Variants in A2ML1 observed in about 807,000 individuals in gnomAD.
The protein encoded by A2ML1 is alpha-2-macroglobulin-like protein 1.
Under a neutral mutation model 181.9 loss-of-function variants are expected in A2ML1, and 161 were observed. The ratio of observed to expected loss-of-function variants is 0.89; its 90% CI spans 0.78 to 1.01. A2ML1 has a LOEUF of 1.01. Among genes scored for constraint, A2ML1 ranks in the 50% least tolerant of loss-of-function variants. The pLI is 0.00. For synonymous variants in A2ML1, 663 were observed against 666.8 expected, an observed-to-expected ratio of 0.99 and a Z score of 0.09; for missense variants, 1,670 against 1,768.1, an observed-to-expected ratio of 0.94 and a Z score of 1.00.
At chr12:8,823,914 AC>A (rs761825074) in intron 3 of A2ML1, 32 bp downstream of exon 3, 37 of 1,589,388 alleles carry the variant, frequency 2.3e-5, no homozygotes, top group Non-Finnish European at 3.0e-5. Context: ...TTCGACTAAA[AC>A]CTGGGGAAAC....
At position 8,834,558 on chromosome 12, in the gene A2ML1, G is replaced by A. The variant is rs1472620039; in HGVS notation, c.463-104G>A. 4.3e-6 allele frequency: 6 copies of A among 1,389,412 alleles called. No individual in the cohort carries two copies. In the East Asian group the frequency reaches 1.1e-4, roughly 27 times the overall value. 86.1% of individuals were successfully genotyped at this position (1,389,412 alleles called of 1,614,324 possible). The stretch of plus-strand genomic sequence containing the variant: ...TAGAAAGGAAGAAATGAAGAAATGG[G>A]CAAGAGGGAAAGGAAGAATTCTTTG... On this transcript the variant is annotated intron_variant, in intron 4 of 35. Coordinates refer to ENST00000299698, the MANE Select transcript of A2ML1 (RefSeq NM_144670.6).
In A2ML1 at chr12:8,822,700, G is replaced by A. The variant is rs1444564333; in HGVS notation, c.49G>A (p.Ala17Thr). 1 of 1,614,174 alleles carries A rather than the reference G, an allele frequency of 6.2e-7. No individual in the cohort carries two copies. The highest frequency in any genetic ancestry group is 8.5e-7 in the Non-Finnish European group (1 of 1,179,990). The change falls in exon 1 of 36, where the codon GCA becomes ACA. Residue 17 changes from alanine (A) to threonine (T), a missense_variant. By Grantham distance (58) the Ala-to-Thr change is moderately conservative (BLOSUM62 0). Coordinates refer to ENST00000299698, the MANE Select transcript of A2ML1 (RefSeq NM_144670.6). The stretch of plus-strand genomic sequence containing the variant: ...AATGTTGGCCCTATCACCAGCCATT[G>A]CAGAAGAACTTCCGTGAGTGCTTGG... ...LGMLALSPAIAEELPNYLVTL... is the reference protein window; with the variant it reads ...LGMLALSPAITEELPNYLVTL...
chr12:8,845,575 C>T (rs1026637219), intron 13 of A2ML1, 73 bp downstream of exon 13: 24 of 1,517,882 alleles, frequency 1.6e-5, no homozygotes, highest in Middle Eastern at 1.7e-4. Flanking sequence ...TGGCCAGGCG[C>T]GGTGGCTCAT....
intron 33 of A2ML1, among the ~76,000 whole-genome samples, chr12:8,870,331 A>G (rs1377451866): frequency 6.6e-6 from 1 of 152,002 alleles, no homozygotes; most frequent in Non-Finnish European, 1.5e-5. Flanking sequence ...GCAGTGGCAC[A>G]ATCTCAGCTC....
intron 2 of A2ML1, 165 bp from the exon 3 acceptor site, chr12:8,823,555 T>C (rs961056373): frequency 2.8e-6 from 3 of 1,073,062 alleles, no homozygotes; most frequent in Non-Finnish European, 2.7e-6. Flanking sequence ...TTTCTCCCTT[T>C]AGTTCCTGAC....
intron 18 of A2ML1, 25 bp downstream of exon 18, chr12:8,850,299 T>C (rs1943846248): frequency 3.2e-6 from 5 of 1,573,014 alleles, no homozygotes; most frequent in Non-Finnish European, 3.5e-6. Context: ...AAAAGTACAG[T>C]AAAGGGCCAG....
chr12:8,863,943 G>T lies in A2ML1; in HGVS notation c.3652G>T (p.Ala1218Ser). ...CCTGACTCAAAAGGAGATAGCGAAG[G>T]CCACTAGCATAGTGGCTTGGTTGGC... ...PSLTQKEIAK[A>S]TSIVAWLAKQ... The change falls in exon 29 of 36, where the codon GCC (alanine) becomes TCC (serine). Residue 1218 changes from alanine (A) to serine (S), a missense_variant. Physicochemically the swap from Ala to Ser is moderately conservative, Grantham distance 99. Coordinates refer to ENST00000299698, the MANE Select transcript of A2ML1 (RefSeq NM_144670.6). 1 of 1,613,768 alleles carries T rather than the reference G, an allele frequency of 6.2e-7. No individual in the cohort carries two copies.
In A2ML1 at chr12:8,847,618, C is replaced by A. The variant is rs773327464; in HGVS notation, c.1753C>A (p.Pro585Thr). 1.2e-6 allele frequency: 2 copies of A among 1,613,746 alleles called. No individual in the cohort carries two copies. The highest frequency in any genetic ancestry group is 1.7e-6 in the Non-Finnish European group (2 of 1,179,848). Residue 585 changes from proline (P) to threonine (T), a missense_variant, in exon 15 of 36, where the codon CCC becomes ACC. By Grantham distance (38) the Pro-to-Thr change is conservative (BLOSUM62 -1). Coordinates refer to ENST00000299698, the MANE Select transcript of A2ML1 (RefSeq NM_144670.6). ...AGTGGAGCTGCAGCTGCAGGCAGCT[C>A]CCGGATCCCTGTGTGCGCTCCGGGC... Reference protein sequence around the residue: ...AEVELQLQAAPGSLCALRAVD... With the variant: ...AEVELQLQAATGSLCALRAVD...
intron 21 of A2ML1, 127 bp from the exon 22 acceptor site, chr12:8,854,653 A>G (rs894221009): frequency 1.1e-6 from 1 of 951,224 alleles, no homozygotes; most frequent in Non-Finnish European, 1.6e-6. Flanking sequence ...TTCAGTGAGA[A>G]GCTCTTGTCT....
At chr12:8,874,634 C>A in intron 34 of A2ML1, 107 bp downstream of exon 34, 2 of 827,854 alleles carry the variant, frequency 2.4e-6, no homozygotes, top group Non-Finnish European at 3.9e-6. Context: ...ATACTCCTTC[C>A]CAAGCCAAGT....
At chr12:8,824,477 C>G (rs1260876031) in intron 3 of A2ML1, among the ~76,000 whole-genome samples, 1 of 151,884 alleles carries the variant, frequency 6.6e-6, no homozygotes, top group East Asian at 1.9e-4. Context: ...AAGCATTTAT[C>G]ATTTCCTTGT....
At chr12:8,851,630 T>A (rs1459826843) in intron 18 of A2ML1, among the ~76,000 whole-genome samples, 154 bp from the exon 19 acceptor site, 1 of 152,184 alleles carries the variant, frequency 6.6e-6, no homozygotes, top group Non-Finnish European at 1.5e-5. Flanking sequence ...GGCCTCAAAC[T>A]GCTGGGCTGA....
intron 33 of A2ML1, among the ~76,000 whole-genome samples, chr12:8,869,418 C>T (rs959156995): frequency 1.4e-4 from 21 of 151,238 alleles, no homozygotes; most frequent in Admixed American, 5.3e-4. Context: ...TAATGTGAGC[C>T]GTTTACGACA....
Position 8,841,541 on chromosome 12 carries a change from G to A in A2ML1, c.1248+5G>A. 6.2e-7 allele frequency: 1 copy of A among 1,604,938 alleles called. No individual in the cohort carries two copies. Reference sequence around the variant, plus strand: ...GGGACAGACGTTTCTCTGGAGGTAAGCATGGACGGAGGACCAGCTTCCTAG... The same window carrying A: ...GGGACAGACGTTTCTCTGGAGGTAAACATGGACGGAGGACCAGCTTCCTAG... On this transcript the variant is annotated splice_donor_5th_base_variant and intron_variant, in intron 11 of 35. Coordinates refer to ENST00000299698, the MANE Select transcript of A2ML1 (RefSeq NM_144670.6).
intron 21 of A2ML1, 73 bp downstream of exon 21, chr12:8,854,322 T>A (rs1189793374): frequency 1.3e-6 from 2 of 1,510,832 alleles, no homozygotes; most frequent in Middle Eastern, 2.5e-4. Context: ...TGTGAGTTAG[T>A]CTCTCACAGC....
chr12:8,836,385 A>G (rs1288528997), intron 7 of A2ML1, 46 bp downstream of exon 7: 2 of 1,530,708 alleles, frequency 1.3e-6, no homozygotes, highest in African/African-American at 2.7e-5. Context: ...AGATGCATCG[A>G]GAGACATGAT....
rs1326314810 is a variant in A2ML1, at chr12:8,845,081, CT to C, written c.1477-359del. The C allele has an allele frequency of 4.2e-6, 6 of 1,442,890 alleles. No homozygotes were observed. The Middle Eastern group carries it at 5.7e-4, about 137-fold the overall frequency. 89.4% of individuals were successfully genotyped at this position (1,442,890 alleles called of 1,614,324 possible). A position where few individuals can be genotyped will look rare whatever the true frequency, so the allele number is the denominator to read the frequency against. On this transcript the variant is annotated intron_variant, in intron 12 of 35. Transcript: ENST00000299698. ...TAAATTGAGCTGTAATTAAAAAACA[CT>C]TATGAGGATAGATTTTCGCTGACTT...
chr12:8,823,974 T>G, intron 3 of A2ML1, 92 bp downstream of exon 3: 1 of 1,452,712 alleles, frequency 6.9e-7, no homozygotes, highest in East Asian at 2.3e-5. Context: ...CAGTAGGCTT[T>G]GGAAAAAAAG....
intron 13 of A2ML1, 102 bp from the exon 14 acceptor site, chr12:8,845,975 C>G (rs1037764204): frequency 5.3e-6 from 7 of 1,316,736 alleles, no homozygotes; most frequent in Non-Finnish European, 6.3e-6. Flanking sequence ...TAACTTGCAC[C>G]ATGGTGCCTG....
Sources: gnomAD v4.1 joint callset for allele counts (sites outside exome capture counted in the v4.1 genomes callset) on GRCh38, gnomAD v4.1.1 for gene constraint, MANE v1.5 for transcripts, NCBI Gene and HGNC (gene_info 2026-07-23, HGNC 2026-07-21) for gene names.